Variants in CFAP43 observed in about 807,000 individuals in gnomAD.
The protein encoded by CFAP43 is cilia and flagella associated protein 43, also known as cilia- and flagella-associated protein 43.
A neutral mutation model predicts 218.9 loss-of-function variants in CFAP43; 155 were observed. That is an observed-to-expected ratio of 0.71 (90% CI 0.62 to 0.81). CFAP43 has a LOEUF of 0.81. Ranked by LOEUF, CFAP43 falls within the 30% of genes least tolerant of loss-of-function variation. The probability of loss-of-function intolerance (pLI) is 0.00; values close to 1 mark genes in which losing one functional copy is unlikely to be tolerated. For missense variants in CFAP43, 1,778 were observed against 1,954.3 expected, an observed-to-expected ratio of 0.91 and a Z score of 1.70; for synonymous variants, 645 against 681.3, an observed-to-expected ratio of 0.95 and a Z score of 0.83.
intron 20 of CFAP43, among the ~76,000 whole-genome samples, chr10:104,171,916 T>C (rs2089430112): frequency 6.6e-6 from 1 of 152,158 alleles, no homozygotes; most frequent in Non-Finnish European, 1.5e-5. Context: ...CTATAATATA[T>C]GATGGTCATA....
intron 27 of CFAP43, among the ~76,000 whole-genome samples, chr10:104,158,855 A>G (rs1767535): frequency 0.26 from 39,344 of 151,964 alleles, 6,886 homozygotes; most frequent in African/African-American, 0.51. Flanking sequence ...GAAAAAGAGA[A>G]CAAATGTGGC....
At chr10:104,201,724 A>G (rs567577949) in intron 8 of CFAP43, among the ~76,000 whole-genome samples, 4 of 151,206 alleles carry the variant, frequency 2.6e-5, no homozygotes, top group Non-Finnish European at 5.9e-5. Flanking sequence ...TTTACTGTAC[A>G]TCTTCTACAA....
At chr10:104,181,792 C>T (rs2089854290) in intron 17 of CFAP43, among the ~76,000 whole-genome samples, 1 of 152,184 alleles carries the variant, frequency 6.6e-6, no homozygotes, top group African/African-American at 2.4e-5. Context: ...GGCTATCCAG[C>T]CCAATACTAT....
At chr10:104,130,521 C>A (rs2134719296) in intron 37 of CFAP43, among the ~76,000 whole-genome samples, 1 of 152,248 alleles carries the variant, frequency 6.6e-6, no homozygotes, top group East Asian at 1.9e-4. Context: ...TACATATACA[C>A]CATGGGACAC....
intron 7 of CFAP43, among the ~76,000 whole-genome samples, chr10:104,204,321 C>CGGGTTGGT (rs11282110): frequency 0.057 from 8,632 of 152,150 alleles, 284 homozygotes; most frequent in South Asian, 0.13. Context: ...CCAATAGAAA[C>CGGGTTGGT]GGGTTGGTTG....
chr10:104,133,527 A>G, intron 35 of CFAP43, 93 bp downstream of exon 35: 1 of 1,322,558 alleles, frequency 7.6e-7, no homozygotes, highest in Non-Finnish European at 1.0e-6. Context: ...AATATGCTTG[A>G]TATCACAGAG....
At chr10:104,149,055 A>C (rs2088120174) in intron 28 of CFAP43, among the ~76,000 whole-genome samples, 1 of 152,010 alleles carries the variant, frequency 6.6e-6, no homozygotes, top group African/African-American at 2.4e-5. Flanking sequence ...TTTTCCTCAT[A>C]ATTTATTTGT....
intron 2 of CFAP43, among the ~76,000 whole-genome samples, chr10:104,227,343 T>C (rs1216592667): frequency 6.6e-6 from 1 of 152,204 alleles, no homozygotes; most frequent in Non-Finnish European, 1.5e-5. Context: ...CTGGGTCAAA[T>C]AGAGTCAATA....
intron 8 of CFAP43, among the ~76,000 whole-genome samples, chr10:104,201,536 A>G (rs1362249473): frequency 6.6e-6 from 1 of 152,154 alleles, no homozygotes; most frequent in Non-Finnish European, 1.5e-5. Flanking sequence ...ATCAACATCA[A>G]AAGTTACTTT....
At chr10:104,181,449 A>G (rs1054775893) in intron 17 of CFAP43, among the ~76,000 whole-genome samples, 14 of 152,340 alleles carry the variant, frequency 9.2e-5, no homozygotes, top group African/African-American at 3.1e-4. Context: ...TCCTCATAGC[A>G]TCAAATAGTC....
intron 20 of CFAP43, among the ~76,000 whole-genome samples, chr10:104,170,741 A>G (rs1228556679): frequency 1.3e-5 from 2 of 152,132 alleles, no homozygotes; most frequent in African/African-American, 4.8e-5. Context: ...AAGCTCCTAG[A>G]TTGGTGCCTA....
rs928086603 is a variant in CFAP43, at chr10:104,187,376, T to G, written c.1804A>C (p.Ile602Leu). The G allele has an allele frequency of 1.2e-6, 2 of 1,612,096 alleles. No individual in the cohort carries two copies. Among genetic ancestry groups the G allele is most frequent in the Admixed American group, 3.4e-5 (2 of 59,410 alleles). Reference sequence around the variant, plus strand: ...GGCACTTGACTACAGAAGCCATATATTTGGTTACTTTGAAAGCCCAAGACT... The same window carrying G: ...GGCACTTGACTACAGAAGCCATATAGTTGGTTACTTTGAAAGCCCAAGACT... ...SAVLGFQSNQ[I>L]YGFCSQVPYI... The change falls in exon 14 of 38, where the codon ATA becomes CTA. Residue 602 changes from isoleucine (I) to leucine (L), a missense_variant. Physicochemically the swap from Ile to Leu is conservative, Grantham distance 5. Coordinates refer to ENST00000357060, the MANE Select transcript of CFAP43 (RefSeq NM_025145.7).
intron 5 of CFAP43, among the ~76,000 whole-genome samples, chr10:104,210,525 C>T (rs889722140): frequency 8.5e-5 from 13 of 152,110 alleles, no homozygotes; most frequent in Non-Finnish European, 2.9e-5. Context: ...TGCCATCATG[C>T]CCAGCTAATT....
Position 104,142,347 on chromosome 10 carries a change from T to C in CFAP43, c.4205A>G (p.Gln1402Arg). The change falls in exon 33 of 38, where the codon CAG becomes CGG. Residue 1402 changes from glutamine (Q) to arginine (R), a missense_variant. By Grantham distance (43) the Gln-to-Arg change is conservative (BLOSUM62 1). Around this residue, in one of 3 missense-constraint regions of CFAP43, gnomAD observed 1,553 missense variants for 1,685.2 expected, o/e 0.92. Transcript: ENST00000357060. ...CTTCTCTTCCTCCTCAACTCTCTTCTGGAGGAAAGTTGCCATTTCCAATAA... is the reference window on the plus strand; with the variant it reads ...CTTCTCTTCCTCCTCAACTCTCTTCCGGAGGAAAGTTGCCATTTCCAATAA... ...ADLLEMATFL[Q>R]KRVEEEEKVQ... is the part of the protein sequence containing the mutation. 1.2e-6 allele frequency: 2 copies of C among 1,613,600 alleles called. No homozygotes were observed. The highest frequency in any genetic ancestry group is 8.5e-7 in the Non-Finnish European group (1 of 1,179,786).
chr10:104,204,236 G>T (rs547957121), intron 7 of CFAP43, among the ~76,000 whole-genome samples: 16 of 152,268 alleles, frequency 1.1e-4, no homozygotes, highest in South Asian at 6.2e-4. Context: ...TGACCCAAGG[G>T]TAGGCAGTGT....
At chr10:104,226,048 C>T (rs910671590) in intron 2 of CFAP43, among the ~76,000 whole-genome samples, 5 of 152,174 alleles carry the variant, frequency 3.3e-5, no homozygotes, top group African/African-American at 1.2e-4. Flanking sequence ...TCCTTTGTAC[C>T]TATAGTTGAC....
rs1191019420 is a variant in CFAP43, at chr10:104,130,129, G to A, written c.*10C>T. Reference sequence around the variant, plus strand: ...GATTGATTTGGCCTTGTGTTTTCCTGCCAGCGTTTTTACATTTGAACAAGA... The same window carrying A: ...GATTGATTTGGCCTTGTGTTTTCCTACCAGCGTTTTTACATTTGAACAAGA... On this transcript the variant is annotated 3_prime_UTR_variant, in exon 38 of 38. Coordinates refer to ENST00000357060, the MANE Select transcript of CFAP43 (RefSeq NM_025145.7). The A allele has an allele frequency of 6.4e-7, 1 of 1,566,650 alleles. No individual in the cohort carries two copies. Among genetic ancestry groups the A allele is most frequent in the Non-Finnish European group, 8.6e-7 (1 of 1,160,956 alleles).
chr10:104,181,267 C>T (rs964845095), intron 17 of CFAP43, among the ~76,000 whole-genome samples: 7 of 152,082 alleles, frequency 4.6e-5, no homozygotes, highest in African/African-American at 1.7e-4. Flanking sequence ...TCTCTATGTC[C>T]AATTCATCAG....
At chr10:104,177,508 T>A (rs1019951380) in intron 19 of CFAP43, among the ~76,000 whole-genome samples, 1 of 152,078 alleles carries the variant, frequency 6.6e-6, no homozygotes, top group Admixed American at 6.5e-5. Flanking sequence ...CCTTCATGAA[T>A]AGCAACAATG....
Sources: allele counts gnomAD v4.1 joint callset (sites outside exome capture counted in the v4.1 genomes callset), GRCh38; gene constraint gnomAD v4.1.1; regional missense constraint gnomAD v4.1.1; transcripts MANE v1.5; gene names NCBI Gene and HGNC (gene_info 2026-07-23, HGNC 2026-07-21).